The following VWA3B variants were observed in gnomAD, a reference collection of about 807,000 sequenced individuals.
VWA3B encodes the protein von Willebrand factor A domain containing 3B.
Under a neutral mutation model 158.3 loss-of-function variants are expected in VWA3B, and 138 were observed. The ratio of observed to expected loss-of-function variants is 0.87; its 90% CI spans 0.76 to 1.00. VWA3B has a LOEUF of 1.00. Among genes scored for constraint, VWA3B ranks in the 50% least tolerant of loss-of-function variants. The pLI, the probability that VWA3B is intolerant of heterozygous loss-of-function variation, is 0.00. For missense variants in VWA3B, 1,555 were observed against 1,565.1 expected (o/e 0.99, Z 0.11); for synonymous variants, 596 against 587.3 (o/e 1.01, Z -0.21).
chr2:98,220,367 T>C (rs1684397273), intron 14 of VWA3B, among the ~76,000 whole-genome samples: 1 of 152,078 alleles, frequency 6.6e-6, no homozygotes, highest in Admixed American at 6.6e-5. Context: ...AAAAAAATTC[T>C]TATTGCACAA....
chr2:98,216,927 C>T, intron 13 of VWA3B: 1 of 1,302,852 alleles, frequency 7.7e-7, no homozygotes, highest in South Asian at 1.2e-5. Context: ...TCCTTCATTC[C>T]ATACAGCTGA....
At position 98,217,940 on chromosome 2, in the gene VWA3B, T is replaced by A. The variant is rs199751736; in HGVS notation, c.1931T>A (p.Phe644Tyr). The A allele has an allele frequency of 6.9e-5, 112 of 1,613,578 alleles. No individual in the cohort carries two copies. Among genetic ancestry groups the A allele is most frequent in the Middle Eastern group, 6.6e-4 (4 of 6,080 alleles). The stretch of plus-strand genomic sequence containing the variant: ...TACAATGATGAGATTGCAAACAGGT[T>A]TTTGAAAGAGGTTGCTGCTTTGACT... ...FNYNDEIANR[F>Y]LKEVAALTGG... Residue 644 changes from phenylalanine to tyrosine, a missense_variant, in exon 14 of 28, where the codon TTT becomes TAT. Physicochemically the swap from Phe to Tyr is conservative, Grantham distance 22. Transcript: ENST00000477737.
chr2:98,192,918 G>A lies in VWA3B; in HGVS notation c.1487G>A (p.Gly496Glu), dbSNP rs750897723. ...IRRRIKWLQD[G>E]SQSLFGRLHN... ...CCTAGGATTAAATGGCTACAGGATGGGAGTCAAAGCCTCTTTGGAAGATTG... is the reference window on the plus strand; with the variant it reads ...CCTAGGATTAAATGGCTACAGGATGAGAGTCAAAGCCTCTTTGGAAGATTG... Residue 496 changes from glycine (G) to glutamate (E), a missense_variant, in exon 11 of 28, where the codon GGG becomes GAG. Gly to Glu is a moderately conservative substitution (Grantham distance 98). Transcript: ENST00000477737. 11 of 1,613,994 alleles carry A rather than the reference G, an allele frequency of 6.8e-6. No homozygotes were observed. Among genetic ancestry groups the A allele is most frequent in the Admixed American group, 3.3e-5 (2 of 60,012 alleles).
chr2:98,201,683 T>C (rs941799462), intron 12 of VWA3B, among the ~76,000 whole-genome samples: 1 of 152,182 alleles, frequency 6.6e-6, no homozygotes. Context: ...TCTTGGTTTT[T>C]TGAGGATTGT....
chr2:98,174,363 T>A (rs1216711509), intron 8 of VWA3B, among the ~76,000 whole-genome samples: 3 of 152,066 alleles, frequency 2.0e-5, no homozygotes, highest in Admixed American at 2.0e-4. Context: ...CAGGATGGGG[T>A]TGGAGTTCCT....
chr2:98,223,383 G>A (rs1388406507), intron 14 of VWA3B, among the ~76,000 whole-genome samples: 2 of 149,556 alleles, frequency 1.3e-5, no homozygotes, highest in African/African-American at 4.9e-5. Flanking sequence ...TATCATCGGA[G>A]TCCACCAAAG....
chr2:98,189,724 A>C (rs1681418237), intron 10 of VWA3B, among the ~76,000 whole-genome samples: 1 of 152,044 alleles, frequency 6.6e-6, no homozygotes, highest in Non-Finnish European at 1.5e-5. Flanking sequence ...TTTTTTCTTC[A>C]TGTATTTTGA....
rs145274713 is a variant in VWA3B, at chr2:98,276,901, G to A, written c.3045+6018G>A. On this transcript the variant is annotated intron_variant, in intron 22 of 27. Transcript: ENST00000477737. Reference sequence around the variant, plus strand: ...TCCCCCGCCCCATAGCTGCCTTGCCGATTCCTAAGTTTGGGGCAGCTTCAT... The same window carrying A: ...TCCCCCGCCCCATAGCTGCCTTGCCAATTCCTAAGTTTGGGGCAGCTTCAT... Among the ~76,000 whole-genome samples, 705 of 152,262 alleles carry A rather than the reference G, an allele frequency of 4.6e-3. 1 individual carries two copies. Among genetic ancestry groups the A allele is most frequent in the Middle Eastern group, 0.014 (4 of 294 alleles).
intron 5 of VWA3B, among the ~76,000 whole-genome samples, chr2:98,126,418 CCATGTGTCACTTAGATCCTTGCAACAGG>C (rs1244078145): frequency 2.0e-5 from 3 of 152,178 alleles, no homozygotes; most frequent in African/African-American, 7.2e-5. Context: ...CTGTCTCAGG[CCATGTGTCACTTAGATCCTTGCAACAGG>C]ATGAACCTGT....
Position 98,250,280 on chromosome 2 carries a change from C to T in VWA3B, c.2674-38C>T, listed in dbSNP as rs1018477309. 5 of 1,544,518 alleles carry T rather than the reference C, an allele frequency of 3.2e-6. No individual in the cohort carries two copies. In the African/African-American group the frequency reaches 6.9e-5, roughly 21 times the overall value. On this transcript the variant is annotated intron_variant, in intron 19 of 27. Coordinates refer to ENST00000477737, the MANE Select transcript of VWA3B (RefSeq NM_144992.5). ...TTTTCGAAGGCACGCATTAACCTAT[C>T]AAGTGACACTTTCCTTTCCTTTGCC...
intron 26 of VWA3B, among the ~76,000 whole-genome samples, chr2:98,306,071 G>T (rs1445813018): frequency 2.0e-5 from 3 of 151,988 alleles, no homozygotes; most frequent in African/African-American, 7.3e-5. Flanking sequence ...TGCTTTCTCA[G>T]GTCTCTGTGC....
At chr2:98,319,911 C>T in the VWA3B span, among the ~76,000 whole-genome samples, 1 of 146,912 alleles carries the variant, frequency 6.8e-6, no homozygotes, top group Non-Finnish European at 1.5e-5. Context: ...CACACACACT[C>T]ACACAACAAA....
the VWA3B span, among the ~76,000 whole-genome samples, chr2:98,329,430 C>T: frequency 1.3e-5 from 2 of 151,828 alleles, no homozygotes; most frequent in East Asian, 1.9e-4. Flanking sequence ...ATTTGCAATA[C>T]GTATTATTTG....
chr2:98,329,706 T>C, the VWA3B span, among the ~76,000 whole-genome samples: 2 of 152,148 alleles, frequency 1.3e-5, no homozygotes, highest in African/African-American at 4.8e-5. Context: ...GTAGATGGGA[T>C]TGAGGTCCAT....
intron 14 of VWA3B, among the ~76,000 whole-genome samples, chr2:98,222,317 T>C (rs1192151796): frequency 1.3e-5 from 2 of 152,192 alleles, no homozygotes. Flanking sequence ...GCTCACCAGA[T>C]ACATAGTTAT....
At chr2:98,092,848 A>G (rs997495469) in intron 1 of VWA3B, among the ~76,000 whole-genome samples, 23 of 134,230 alleles carry the variant, frequency 1.7e-4, no homozygotes, top group Admixed American at 9.5e-4. Context: ...ATATATATAT[A>G]TATATATATA....
intron 22 of VWA3B, among the ~76,000 whole-genome samples, chr2:98,274,585 A>G (rs952897746): frequency 1.3e-5 from 2 of 152,134 alleles, no homozygotes; most frequent in Non-Finnish European, 2.9e-5. Flanking sequence ...TCCCTGGGGA[A>G]CGTGGCAGGA....
chr2:98,280,791 C>T (rs991940400), intron 22 of VWA3B, among the ~76,000 whole-genome samples: 1 of 152,166 alleles, frequency 6.6e-6, no homozygotes, highest in Non-Finnish European at 1.5e-5. Context: ...GGCTAAGTGC[C>T]TAAGACTACT....
chr2:98,217,897 T>C lies in VWA3B; in HGVS notation c.1888T>C (p.Tyr630His). Residue 630 changes from tyrosine (Y) to histidine (H), a missense_variant, in exon 14 of 28, where the codon TAT becomes CAT. By Grantham distance (83) the Tyr-to-His change is moderately conservative. Transcript: ENST00000477737. ...QVKRFQEIPI[Y>H]TISFNYNDEI... The stretch of plus-strand genomic sequence containing the variant: ...CAAACGTTTTCAGGAAATTCCTATT[T>C]ATACCATCTCCTTCAATTACAATGA... The C allele has an allele frequency of 6.2e-7, 1 of 1,612,696 alleles. No homozygotes were observed. Among genetic ancestry groups the C allele is most frequent in the Non-Finnish European group, 8.5e-7 (1 of 1,179,404 alleles).
Sources: gnomAD v4.1 joint callset for allele counts (sites outside exome capture counted in the v4.1 genomes callset) on GRCh38, gnomAD v4.1.1 for gene constraint, MANE v1.5 for transcripts, NCBI Gene and HGNC (gene_info 2026-07-23, HGNC 2026-07-21) for gene names.